MAP4: variants seen among roughly 807,000 people sequenced by gnomAD.
MAP4 encodes the protein microtubule-associated protein 4.
In MAP4, 76 loss-of-function variants were observed where a neutral mutation model predicts 170.2. That is an observed-to-expected ratio of 0.45 (90% CI 0.37 to 0.54). The LOEUF (loss-of-function observed/expected upper bound fraction) is 0.54, where lower values mean the gene tolerates loss of function less well. Ranked by LOEUF, MAP4 falls within the 20% of genes least tolerant of loss-of-function variation. MAP4 has a pLI of 0.00. For synonymous variants in MAP4, 909 were observed against 994.5 expected (o/e 0.91, Z 1.62); for missense variants, 2,506 against 2,748.0 (o/e 0.91, Z 1.97).
intron 17 of MAP4, 48 bp downstream of exon 17, chr3:47,867,198 C>T: frequency 1.5e-6 from 2 of 1,337,570 alleles, no homozygotes; most frequent in East Asian, 2.3e-5. Flanking sequence ...TAGTATACCC[C>T]ACAGTGGGCT....
intron 3 of MAP4, among the ~76,000 whole-genome samples, chr3:47,968,448 G>T (rs1399492898): frequency 6.6e-6 from 1 of 152,002 alleles, no homozygotes; most frequent in Non-Finnish European, 1.5e-5. Flanking sequence ...AGAAGATTGG[G>T]GAATGCACAA....
At chr3:48,034,405 A>T (rs532778931) in intron 1 of MAP4, among the ~76,000 whole-genome samples, 2 of 152,210 alleles carry the variant, frequency 1.3e-5, no homozygotes, top group Non-Finnish European at 2.9e-5. Flanking sequence ...TTGACCATTT[A>T]AAAAAATCAC....
upstream of MAP4, among the ~76,000 whole-genome samples, chr3:48,020,774 G>A (rs534767311): frequency 3.9e-5 from 6 of 152,130 alleles, no homozygotes; most frequent in East Asian, 1.2e-3. Context: ...AGCAATATGA[G>A]TATTATTTGT....
At chr3:47,960,571 C>A in intron 3 of MAP4, 1 of 167,448 alleles carries the variant, frequency 6.0e-6, no homozygotes. Context: ...CAGTCACATC[C>A]TTTAAATGAT....
chr3:48,046,726 T>C (rs1287897949), intron 1 of MAP4, among the ~76,000 whole-genome samples: 1 of 152,230 alleles, frequency 6.6e-6, no homozygotes, highest in Non-Finnish European at 1.5e-5. Context: ...ATTCCTATCC[T>C]TTCTTTTCCT....
Position 47,909,623 on chromosome 3 carries a change from C to G in MAP4, c.4798G>C (p.Gly1600Arg). ...ARALEGYADR[G>R]NFPAHPVNEE... ...TTCACTGGATGTGCTGGGAAATTACCTCTATCTGCATATCCTTCTAGGGCT... is the reference window on the plus strand; with the variant it reads ...TTCACTGGATGTGCTGGGAAATTACGTCTATCTGCATATCCTTCTAGGGCT... Residue 1600 changes from glycine (G) to arginine (R), a missense_variant, in exon 9 of 21, where the codon GGT becomes CGT. Gly to Arg is a moderately radical substitution (Grantham distance 125). Around this residue, in one of 3 missense-constraint regions of MAP4, gnomAD observed 2,008 missense variants for 2,206.0 expected, o/e 0.91. Transcript: ENST00000683076. The G allele has an allele frequency of 6.2e-7, 1 of 1,613,740 alleles. No individual in the cohort carries two copies. The highest frequency in any genetic ancestry group is 8.5e-7 in the Non-Finnish European group (1 of 1,179,880).
chr3:47,986,206 T>C (rs2100088568), intron 2 of MAP4, among the ~76,000 whole-genome samples: 1 of 152,148 alleles, frequency 6.6e-6, no homozygotes. Context: ...CTCAAACTCC[T>C]AGGCTTAAGC....
chr3:48,076,434 G>T (rs2100143931), intron 1 of MAP4, among the ~76,000 whole-genome samples: 1 of 151,708 alleles, frequency 6.6e-6, no homozygotes, highest in Admixed American at 6.6e-5. Context: ...CCCGGGAGGT[G>T]GAGCTTACAG....
chr3:47,951,356 G>A (rs1201910312), intron 3 of MAP4, among the ~76,000 whole-genome samples: 1 of 151,208 alleles, frequency 6.6e-6, no homozygotes, highest in African/African-American at 2.4e-5. Context: ...CTCTCCCCAC[G>A]GTCTCCCTCT....
At chr3:47,944,243 G>A (rs1371984820) in intron 3 of MAP4, among the ~76,000 whole-genome samples, 2 of 152,062 alleles carry the variant, frequency 1.3e-5, no homozygotes, top group Non-Finnish European at 2.9e-5. Flanking sequence ...CTGGGAGGCG[G>A]AGGTTGCAGT....
At chr3:48,067,659 A>T (rs2100138980) in intron 1 of MAP4, among the ~76,000 whole-genome samples, 1 of 148,310 alleles carries the variant, frequency 6.7e-6, no homozygotes, top group South Asian at 2.1e-4. Context: ...TTAAATCCCC[A>T]GACAGAGTCT....
chr3:47,857,684 C>A (rs1321900488), intron 17 of MAP4, among the ~76,000 whole-genome samples, 172 bp from the exon 18 acceptor site: 1 of 151,840 alleles, frequency 6.6e-6, no homozygotes, highest in Admixed American at 6.6e-5. Flanking sequence ...AAAGAGCCCT[C>A]GACCCACCCT....
At chr3:47,908,442 A>G (rs1311255716) in intron 9 of MAP4, among the ~76,000 whole-genome samples, 1 of 152,232 alleles carries the variant, frequency 6.6e-6, no homozygotes, top group Non-Finnish European at 1.5e-5. Flanking sequence ...CAAAAAATGT[A>G]TCTGTATCAT....
chr3:47,978,299 C>T (rs1488434539), intron 2 of MAP4, among the ~76,000 whole-genome samples: 2 of 152,104 alleles, frequency 1.3e-5, no homozygotes, highest in African/African-American at 4.8e-5. Context: ...GCTCCAAGAA[C>T]ACGAGGGCAT....
chr3:47,880,334 T>C (rs981082405), intron 10 of MAP4, among the ~76,000 whole-genome samples: 1 of 148,162 alleles, frequency 6.7e-6, no homozygotes, highest in Non-Finnish European at 1.5e-5. Flanking sequence ...GGTCTCCATC[T>C]CCTGACCTCG....
intron 3 of MAP4, among the ~76,000 whole-genome samples, chr3:47,933,547 C>G (rs1260653442): frequency 6.6e-6 from 1 of 151,878 alleles, no homozygotes; most frequent in Non-Finnish European, 1.5e-5. Flanking sequence ...AAGCAATCCT[C>G]TCACCTCAGC....
Position 47,911,863 on chromosome 3 carries a change from C to G in MAP4, c.2558G>C (p.Ser853Thr). Reference sequence around the variant, plus strand: ...AGAAGGATATAAAGGAATTCTGAGACTCTCTGAGACAAAGTTCTCAGCTAC... The same window carrying G: ...AGAAGGATATAAAGGAATTCTGAGAGTCTCTGAGACAAAGTTCTCAGCTAC... The part of the protein sequence containing the change: ...RLVAENFVSE[S>T]LRIPLYPSEE... Residue 853 changes from serine to threonine, a missense_variant, in exon 9 of 21, where the codon AGT (serine) becomes ACT (threonine). Transcript: ENST00000683076. This position sits in a 1 kb window ranked among gnomAD's most constrained non-coding sequence, Gnocchi z 4.0. The G allele has an allele frequency of 1.3e-6, 2 of 1,536,076 alleles. No homozygotes were observed. The highest frequency in any genetic ancestry group is 1.7e-6 in the Non-Finnish European group (2 of 1,146,878).
chr3:47,919,951 T>A (rs1465062438), intron 5 of MAP4, among the ~76,000 whole-genome samples: 5 of 152,076 alleles, frequency 3.3e-5, no homozygotes, highest in Admixed American at 3.3e-4. Context: ...TTTGCCCAGC[T>A]AATTTTCTTA....
intron 1 of MAP4, among the ~76,000 whole-genome samples, chr3:48,005,836 T>C (rs865971502): frequency 2.0e-5 from 3 of 152,206 alleles, no homozygotes; most frequent in Non-Finnish European, 2.9e-5. Context: ...TCAGACCTAA[T>C]GGTGAGAACC....
Sources: allele counts gnomAD v4.1 joint callset (sites outside exome capture counted in the v4.1 genomes callset), GRCh38; gene constraint gnomAD v4.1.1; regional missense constraint gnomAD v4.1.1; non-coding constraint Gnocchi (gnomAD v3.1); transcripts MANE v1.5; gene names NCBI Gene and HGNC (gene_info 2026-07-23, HGNC 2026-07-21).